TMEM178B: variants seen among roughly 807,000 people sequenced by gnomAD.
TMEM178B encodes the protein transmembrane protein 178B.
TMEM178B carries 5 observed loss-of-function variants against 31.0 expected under a neutral mutation model. That is an observed-to-expected ratio of 0.16 (90% CI 0.08 to 0.34). The LOEUF is 0.34. Ranked by LOEUF, TMEM178B falls within the 10% of genes least tolerant of loss-of-function variation. The pLI is 1.00. For missense variants in TMEM178B, 275 were observed against 400.3 expected (o/e 0.69, Z 2.67); for synonymous variants, 164 against 164.0 (o/e 1.00, Z 0.00).
intron 1 of TMEM178B, among the ~76,000 whole-genome samples, chr7:141,124,882 C>G (rs1795464720): frequency 6.6e-6 from 1 of 152,196 alleles, no homozygotes; most frequent in African/African-American, 2.4e-5. Flanking sequence ...CTTTCCTCCT[C>G]CCTAGAATTT....
At chr7:141,238,507 C>T (rs545212491) in intron 2 of TMEM178B, among the ~76,000 whole-genome samples, 1 of 152,248 alleles carries the variant, frequency 6.6e-6, no homozygotes, top group South Asian at 2.1e-4. Flanking sequence ...GAAAAAATAC[C>T]TGTGCAGTTG....
chr7:141,476,585 T>A lies in TMEM178B; in HGVS notation c.*5799T>A, dbSNP rs569562147. The A allele has an allele frequency of 6.6e-6, 1 of 152,234 alleles. No homozygotes were observed. The highest frequency in any genetic ancestry group is 1.5e-5 in the Non-Finnish European group (1 of 68,036). The allele number at this position is 152,234 out of a possible 1,614,324, so 9.4% of individuals were successfully genotyped here. ...TCTCAAGGAGCTGGGATCTTCTTTC[T>A]CTTGTCAGTTGCTGAAGCCAGTAGC... is the stretch of plus-strand genomic sequence containing the variant. On this transcript the variant is annotated 3_prime_UTR_variant, in exon 4 of 4. Transcript: ENST00000565468.
chr7:141,080,330 A>G (rs1371371727), intron 1 of TMEM178B, among the ~76,000 whole-genome samples: 4 of 152,206 alleles, frequency 2.6e-5, no homozygotes, highest in East Asian at 1.9e-4. Context: ...CAATAAATAA[A>G]TACTCCACGG....
chr7:141,353,879 A>G (rs1799776208), intron 2 of TMEM178B, among the ~76,000 whole-genome samples: 1 of 152,372 alleles, frequency 6.6e-6, no homozygotes, highest in South Asian at 2.1e-4. Flanking sequence ...GCAGCAAAGT[A>G]TCCTCTAATG....
At chr7:141,075,391 A>G (rs906020288) in intron 1 of TMEM178B, among the ~76,000 whole-genome samples, 3 of 152,094 alleles carry the variant, frequency 2.0e-5, no homozygotes, top group Non-Finnish European at 4.4e-5. Context: ...CATGTCAGAG[A>G]AAAAAAATAA....
intron 2 of TMEM178B, among the ~76,000 whole-genome samples, chr7:141,302,816 C>T (rs535154768): frequency 6.6e-6 from 1 of 152,234 alleles, no homozygotes; most frequent in Admixed American, 6.6e-5. Flanking sequence ...TTTCTCTGTC[C>T]TGACAGATGC....
chr7:141,256,601 C>T (rs924200605), intron 2 of TMEM178B, among the ~76,000 whole-genome samples: 2 of 152,066 alleles, frequency 1.3e-5, no homozygotes, highest in African/African-American at 4.8e-5. Context: ...TGATGGAAAG[C>T]TCTGGAGAGT....
chr7:141,184,304 G>A (rs1344849818), intron 1 of TMEM178B, among the ~76,000 whole-genome samples: 2 of 152,138 alleles, frequency 1.3e-5, no homozygotes, highest in African/African-American at 4.8e-5. Flanking sequence ...TCTTGGATCA[G>A]GTTTTAAGCC....
At chr7:141,378,188 G>T (rs1032555106) in intron 2 of TMEM178B, among the ~76,000 whole-genome samples, 7 of 152,266 alleles carry the variant, frequency 4.6e-5, no homozygotes, top group Non-Finnish European at 2.9e-5. Context: ...CTCATAGTTA[G>T]ACCGGGGTTA....
chr7:141,484,131 T>C (rs758898965), downstream of TMEM178B, among the ~76,000 whole-genome samples: 1 of 152,208 alleles, frequency 6.6e-6, no homozygotes, highest in Non-Finnish European at 1.5e-5. The surrounding 1 kb of genome is among the most constrained non-coding windows in gnomAD (Gnocchi z 4.8). Flanking sequence ...GTACAATGGA[T>C]ATATTAATAT....
In TMEM178B at chr7:141,228,039, T is replaced by TACAC. The variant is rs71853516; in HGVS notation, c.496+15351_496+15354dup. 1.5e-3 allele frequency among the ~76,000 whole-genome samples: 229 copies of TACAC among 150,332 alleles called. 1 individual carries two copies. The highest frequency in any genetic ancestry group is 5.3e-3 in the African/African-American group (218 of 41,236). ...TCCATACAAAGAAATAAGGTGTGTG[T>TACAC]ACACACACACACACACACATGCACA... On this transcript the variant is annotated intron_variant, in intron 2 of 3. Transcript: ENST00000565468.
chr7:141,216,476 G>T (rs62488090), intron 2 of TMEM178B, among the ~76,000 whole-genome samples: 51,133 of 101,602 alleles, frequency 0.5, 11,007 homozygotes, highest in East Asian at 0.7. Flanking sequence ...TGTGTGTGTG[G>T]GTGTGTGGTG....
At position 141,074,607 on chromosome 7, in the gene TMEM178B, G is replaced by A; in HGVS notation, c.297G>A (p.Arg99=). The A allele has an allele frequency of 6.5e-7, 1 of 1,535,762 alleles. No individual in the cohort carries two copies. The highest frequency in any genetic ancestry group is 8.7e-7 in the Non-Finnish European group (1 of 1,146,658). ...FAMSPADECS[R]QYNSTNMGLW... ...TGAGCCCCGCGGACGAGTGCAGCCG[G>A]CAGTACAACTCCACCAACATGGGCC... The change falls in exon 1 of 4, where the codon CGG becomes CGA. Residue 99 remains arginine, a synonymous_variant. Transcript: ENST00000565468. This position sits in a 1 kb window ranked among gnomAD's most constrained non-coding sequence, Gnocchi z 5.1.
At chr7:141,243,439 C>T (rs980087620) in intron 2 of TMEM178B, among the ~76,000 whole-genome samples, 1 of 152,052 alleles carries the variant, frequency 6.6e-6, no homozygotes, top group Non-Finnish European at 1.5e-5. Context: ...TAGGAAGAAG[C>T]CTCTTAACCA....
At chr7:141,417,996 G>A (rs1801131925) in intron 2 of TMEM178B, among the ~76,000 whole-genome samples, 3 of 152,090 alleles carry the variant, frequency 2.0e-5, no homozygotes, top group South Asian at 2.1e-4. Flanking sequence ...TGCTGTCCAC[G>A]TTTATCAAGT....
At chr7:141,463,583 C>T (rs997085244) in intron 3 of TMEM178B, among the ~76,000 whole-genome samples, 3 of 152,204 alleles carry the variant, frequency 2.0e-5, no homozygotes, top group South Asian at 2.1e-4. Context: ...CCTGAGCTGC[C>T]GCCATGGATC....
intron 2 of TMEM178B, among the ~76,000 whole-genome samples, chr7:141,237,425 C>T (rs910090545): frequency 9.9e-5 from 15 of 151,868 alleles, no homozygotes; most frequent in Admixed American, 6.6e-4. Context: ...GTGACATTTG[C>T]GCAGAATTTT....
At chr7:141,370,509 A>G (rs1800097152) in intron 2 of TMEM178B, among the ~76,000 whole-genome samples, 1 of 152,230 alleles carries the variant, frequency 6.6e-6, no homozygotes, top group Non-Finnish European at 1.5e-5. Flanking sequence ...AACGTGTGAT[A>G]AAGTGTTCTT....
At chr7:141,346,495 G>T (rs986596716) in intron 2 of TMEM178B, among the ~76,000 whole-genome samples, 12 of 152,114 alleles carry the variant, frequency 7.9e-5, no homozygotes, top group Admixed American at 6.5e-4. Context: ...CTTATAGTCA[G>T]CTTTGTGTAA....
Sources: gnomAD v4.1 joint callset for allele counts (sites outside exome capture counted in the v4.1 genomes callset) on GRCh38, gnomAD v4.1.1 for gene constraint, Gnocchi (gnomAD v3.1) non-coding constraint, MANE v1.5 for transcripts, NCBI Gene and HGNC (gene_info 2026-07-23, HGNC 2026-07-21) for gene names.